Variants in PPA2 observed in about 807,000 individuals in gnomAD.
PPA2 encodes the protein inorganic pyrophosphatase 2, mitochondrial.
In PPA2, 48 loss-of-function variants were observed where a neutral mutation model predicts 49.5. The ratio of observed to expected loss-of-function variants is 0.97; its 90% CI spans 0.77 to 1.23. PPA2 has a LOEUF of 1.23. PPA2 is among the 50% of genes most tolerant of loss of function. The pLI is 0.00. For missense variants in PPA2, 429 were observed against 410.1 expected, an observed-to-expected ratio of 1.05 and a Z score of -0.40; for synonymous variants, 131 against 139.9, an observed-to-expected ratio of 0.94 and a Z score of 0.45.
intron 7 of PPA2, among the ~76,000 whole-genome samples, chr4:105,420,242 T>C (rs1723193662): frequency 6.6e-6 from 1 of 152,126 alleles, no homozygotes; most frequent in Non-Finnish European, 1.5e-5. Flanking sequence ...TTTCTAAAGA[T>C]AGTAGAAACT....
intron 7 of PPA2, among the ~76,000 whole-genome samples, chr4:105,410,750 G>A (rs1286859709): frequency 6.6e-6 from 1 of 152,254 alleles, no homozygotes; most frequent in Non-Finnish European, 1.5e-5. Flanking sequence ...AGAGAGTGGG[G>A]GCCAATATTC....
chr4:105,407,463 T>A (rs1722535896), intron 7 of PPA2, among the ~76,000 whole-genome samples: 1 of 152,162 alleles, frequency 6.6e-6, no homozygotes, highest in South Asian at 2.1e-4. Flanking sequence ...ATAATTACCA[T>A]CTTACTCAGC....
chr4:105,392,964 T>C (rs560258876), intron 9 of PPA2, among the ~76,000 whole-genome samples: 3 of 152,178 alleles, frequency 2.0e-5, no homozygotes, highest in African/African-American at 7.2e-5. Flanking sequence ...GAAGACGAAG[T>C]AAAAATTAAA....
chr4:105,381,062 A>G (rs1733469888), intron 10 of PPA2, among the ~76,000 whole-genome samples: 3 of 152,168 alleles, frequency 2.0e-5, no homozygotes, highest in South Asian at 4.1e-4. Context: ...CTTGGTATTA[A>G]CAGACTTTTA....
chr4:105,406,512 G>GA (rs909347433), intron 7 of PPA2, among the ~76,000 whole-genome samples: 10 of 151,086 alleles, frequency 6.6e-5, no homozygotes, highest in South Asian at 4.2e-4. Flanking sequence ...GCTTATCAAA[G>GA]AAAAAAAAAT....
At chr4:105,408,493 CAT>C (rs1266143160) in intron 7 of PPA2, among the ~76,000 whole-genome samples, 1 of 152,068 alleles carries the variant, frequency 6.6e-6, no homozygotes, top group African/African-American at 2.4e-5. Flanking sequence ...GAAATGTTAA[CAT>C]TGATTCAATG....
intron 6 of PPA2, among the ~76,000 whole-genome samples, chr4:105,437,052 T>A (rs1724093245): frequency 6.6e-6 from 1 of 151,780 alleles, no homozygotes; most frequent in African/African-American, 2.4e-5. Flanking sequence ...GGAGAAAAAA[T>A]CTGCAAAGTA....
At position 105,474,027 on chromosome 4, in the gene PPA2, C is replaced by T. The variant is rs751152529; in HGVS notation, c.24G>A (p.Leu8=). 9 of 1,592,238 alleles carry T rather than the reference C, an allele frequency of 5.7e-6. No homozygotes were observed. The South Asian group carries it at 1.0e-4, about 18-fold the overall frequency. Reference sequence around the variant, plus strand: ...ACGCAGCGGCTGGGGCACCCGTGCGCAGCAGCCGCAGCAGCGCGCTCATGG... The same window carrying T: ...ACGCAGCGGCTGGGGCACCCGTGCGTAGCAGCCGCAGCAGCGCGCTCATGG... MSALLRL[L]RTGAPAAACL... The change falls in exon 1 of 12, where the codon CTG becomes CTA. Residue 8 remains leucine (L), a synonymous_variant. Coordinates refer to ENST00000341695, the MANE Select transcript of PPA2 (RefSeq NM_176869.3).
chr4:105,391,177 G>A (rs1733902375), intron 9 of PPA2, among the ~76,000 whole-genome samples: 1 of 151,888 alleles, frequency 6.6e-6, no homozygotes, highest in Admixed American at 6.6e-5. Context: ...ACACACTGGG[G>A]CCTGCTGGTG....
chr4:105,406,114 C>CAAA (rs35468715), intron 7 of PPA2, among the ~76,000 whole-genome samples: 6,382 of 97,380 alleles, frequency 0.066, 297 homozygotes, highest in Admixed American at 0.15. Context: ...TATAAAACTT[C>CAAA]AAAAAAAAAA....
intron 1 of PPA2, among the ~76,000 whole-genome samples, chr4:105,470,940 T>TG (rs1331421570): frequency 1.3e-5 from 2 of 152,226 alleles, no homozygotes; most frequent in Non-Finnish European, 2.9e-5. Context: ...TTCTGGAAGT[T>TG]GCAGAAATCA....
chr4:105,382,375 A>C (rs1397802566), intron 10 of PPA2, among the ~76,000 whole-genome samples: 3 of 152,176 alleles, frequency 2.0e-5, no homozygotes, highest in African/African-American at 4.8e-5. Flanking sequence ...CATTAGATTA[A>C]TCTTGTACAT....
chr4:105,429,755 G>T (rs1406294248), intron 6 of PPA2, among the ~76,000 whole-genome samples: 2 of 152,276 alleles, frequency 1.3e-5, no homozygotes, highest in East Asian at 3.9e-4. Context: ...GGGGAAAAGA[G>T]ACCTGAGAAT....
intron 3 of PPA2, among the ~76,000 whole-genome samples, chr4:105,450,123 A>T (rs1722603351): frequency 6.6e-6 from 1 of 152,136 alleles, no homozygotes; most frequent in South Asian, 2.1e-4. Context: ...ATAATTCCCT[A>T]CAGTTTGCCT....
intron 9 of PPA2, among the ~76,000 whole-genome samples, chr4:105,387,963 G>C (rs981603035): frequency 6.7e-6 from 1 of 148,606 alleles, no homozygotes; most frequent in Admixed American, 6.8e-5. Flanking sequence ...GATATACAAA[G>C]TACTAATTAC....
intron 11 of PPA2, 91 bp downstream of exon 11, chr4:105,370,743 ATCT>A (rs1732990372): frequency 8.0e-7 from 1 of 1,250,608 alleles, no homozygotes; most frequent in South Asian, 2.0e-5. Context: ...TTTTCAATTT[ATCT>A]ATTTTATTTT....
chr4:105,426,560 GC>G (rs1723520969), intron 6 of PPA2, among the ~76,000 whole-genome samples: 1 of 152,216 alleles, frequency 6.6e-6, no homozygotes, highest in Non-Finnish European at 1.5e-5. Context: ...CGGGTCCCAT[GC>G]CCACAGAGCC....
rs1722817071 is a variant in PPA2, at chr4:105,454,855, T to C, written c.223-1213A>G. ...CAAAACCCATCCTCCTTAGACAAAA[T>C]GTTATTCTCACTGACATGTTTCTAG... is the stretch of plus-strand genomic sequence containing the variant. On this transcript the variant is annotated intron_variant, in intron 2 of 11. Coordinates refer to ENST00000341695, the MANE Select transcript of PPA2 (RefSeq NM_176869.3). 2.6e-5 allele frequency among the ~76,000 whole-genome samples: 4 copies of C among 152,312 alleles called. No individual in the cohort carries two copies. The South Asian group carries it at 8.3e-4, about 32-fold the overall frequency.
intron 11 of PPA2, 92 bp from the exon 12 acceptor site, chr4:105,369,845 A>T (rs2110354840): frequency 8.4e-7 from 1 of 1,197,524 alleles, no homozygotes; most frequent in East Asian, 2.3e-5. Flanking sequence ...ACTTTTAGGA[A>T]GTATTTAGGC....
Sources: allele counts gnomAD v4.1 joint callset (sites outside exome capture counted in the v4.1 genomes callset), GRCh38; gene constraint gnomAD v4.1.1; transcripts MANE v1.5; gene names NCBI Gene and HGNC (gene_info 2026-07-23, HGNC 2026-07-21).